MAP1LC3B: variants seen among roughly 807,000 people sequenced by gnomAD.
MAP1LC3B encodes the protein microtubule associated protein 1 light chain 3 beta.
MAP1LC3B carries 12 observed loss-of-function variants against 16.7 expected under a neutral mutation model. That is an observed-to-expected ratio of 0.72 (90% confidence interval 0.46 to 1.16). MAP1LC3B has a LOEUF of 1.16. Among genes scored for constraint, MAP1LC3B ranks in the 50% most tolerant of loss-of-function variants. The pLI, the probability that MAP1LC3B is intolerant of heterozygous loss-of-function variation, is 0.00. For synonymous variants in MAP1LC3B, 63 were observed against 56.5 expected (o/e 1.11, Z -0.51); for missense variants, 155 against 159.5 (o/e 0.97, Z 0.15).
intron 2 of MAP1LC3B, 172 bp downstream of exon 2, chr16:87,399,042 C>CT: frequency 3.3e-6 from 2 of 602,528 alleles, no homozygotes; most frequent in East Asian, 5.7e-5. Context: ...GTCTCACTCT[C>CT]TTTCCCAGGC....
chr16:87,396,103 C>T (rs1275386524), intron 1 of MAP1LC3B, among the ~76,000 whole-genome samples: 2 of 151,482 alleles, frequency 1.3e-5, no homozygotes, highest in African/African-American at 2.4e-5. Context: ...TCAGGTGATC[C>T]GCCCGCCTTG....
intron 2 of MAP1LC3B, 113 bp from the exon 3 acceptor site, chr16:87,402,062 C>T (rs1305647208): frequency 3.2e-6 from 3 of 926,384 alleles, no homozygotes; most frequent in Non-Finnish European, 5.1e-6. Flanking sequence ...GTCTCAGTCT[C>T]CTGACCTCGT....
intron 1 of MAP1LC3B, among the ~76,000 whole-genome samples, chr16:87,395,706 G>C (rs577823432): frequency 6.6e-6 from 1 of 152,072 alleles, no homozygotes; most frequent in Non-Finnish European, 1.5e-5. Context: ...GAAGTAACTT[G>C]TCTTTTATAT....
chr16:87,395,761 C>T (rs1907775636), intron 1 of MAP1LC3B, among the ~76,000 whole-genome samples: 1 of 149,150 alleles, frequency 6.7e-6, no homozygotes, highest in Non-Finnish European at 1.5e-5. Context: ...CTTTTTAGGT[C>T]GTGTTTTGGG....
rs568427114 is a variant in MAP1LC3B at position 87,399,422 on chromosome 16, G to A, written c.96+552G>A. 19 of 313,162 alleles carry A rather than the reference G, an allele frequency of 6.1e-5. No homozygotes were observed. In the East Asian group the frequency reaches 1.3e-3, roughly 21 times the overall value. 19.4% of individuals were successfully genotyped at this position (313,162 alleles called of 1,614,324 possible). On this transcript the variant is annotated intron_variant, in intron 2 of 3. Coordinates refer to ENST00000268607, the MANE Select transcript of MAP1LC3B (RefSeq NM_022818.5). ...GGATATCACACTTCAGAACGTGTCC[G>A]CTAGATAAAGCTCTCAAACTTACCA...
chr16:87,394,057 T>A (rs1258019786), intron 1 of MAP1LC3B, among the ~76,000 whole-genome samples: 1 of 152,218 alleles, frequency 6.6e-6, no homozygotes, highest in African/African-American at 2.4e-5. Context: ...ACAAGGAATT[T>A]CCTGGAACCT....
At position 87,402,857 on chromosome 16, in the gene MAP1LC3B, T is replaced by G. The variant is rs8051218; in HGVS notation, c.204-66T>G. Reference sequence around the variant, plus strand: ...TTTTACCGATCAGAGTGGGTGATATTTTAACACATGCTTCATCCTTCTTGT... The same window carrying G: ...TTTTACCGATCAGAGTGGGTGATATGTTAACACATGCTTCATCCTTCTTGT... On this transcript the variant is annotated intron_variant, in intron 3 of 3. Transcript: ENST00000268607. 5 of 1,587,208 alleles carry G rather than the reference T, an allele frequency of 3.2e-6. No individual in the cohort carries two copies. In the African/African-American group the frequency reaches 6.7e-5, roughly 21 times the overall value.
chr16:87,392,399 G>A lies in MAP1LC3B; in HGVS notation c.-29G>A, dbSNP rs1477686034. Reference sequence around the variant, plus strand: ...GAGCCGCCGGGACCCTCGCGTCGTCGCCGCCGCCGCCGCCCAGATCCCTGC... The same window carrying A: ...GAGCCGCCGGGACCCTCGCGTCGTCACCGCCGCCGCCGCCCAGATCCCTGC... On this transcript the variant is annotated 5_prime_UTR_variant, in exon 1 of 4. Coordinates refer to ENST00000268607, the MANE Select transcript of MAP1LC3B (RefSeq NM_022818.5). 1 of 1,399,796 alleles carries A rather than the reference G, an allele frequency of 7.1e-7. No individual in the cohort carries two copies. 86.7% of individuals were successfully genotyped at this position (1,399,796 alleles called of 1,614,324 possible).
At position 87,397,802 on chromosome 16, in the gene MAP1LC3B, A is replaced by AT. The variant is rs112576703; in HGVS notation, c.41-1002dup. On this transcript the variant is annotated intron_variant, in intron 1 of 3. Coordinates refer to ENST00000268607, the MANE Select transcript of MAP1LC3B (RefSeq NM_022818.5). ...ATAGTAAATCAAGGTTATTTTGCTC[A>AT]TTTTTTTTTTTGGAGGTTTTAAATA... 1.1e-3 allele frequency among the ~76,000 whole-genome samples: 149 copies of AT among 141,260 alleles called. 1 individual carries two copies. Among genetic ancestry groups the AT allele is most frequent in the East Asian group, 6.7e-3 (33 of 4,916 alleles). 92.7% of individuals were successfully genotyped at this position (141,260 alleles called of 152,430 possible). A position where few individuals can be genotyped will look rare whatever the true frequency, so the allele number is the denominator to read the frequency against.
intron 1 of MAP1LC3B, among the ~76,000 whole-genome samples, chr16:87,397,191 A>G (rs764305210): frequency 2.0e-4 from 30 of 152,250 alleles, no homozygotes; most frequent in Non-Finnish European, 5.9e-5. Flanking sequence ...ATGAGTTTGC[A>G]ATCTTTGTTG....
chr16:87,393,098 A>G (rs914255347), intron 1 of MAP1LC3B: 11 of 152,278 alleles, frequency 7.2e-5, no homozygotes, highest in Admixed American at 5.9e-4. Flanking sequence ...TCTGTAGCCC[A>G]GGAGCTGGGG....
intron 1 of MAP1LC3B, 35 bp downstream of exon 1, chr16:87,392,502 G>A: frequency 7.7e-7 from 1 of 1,298,570 alleles, no homozygotes; most frequent in Non-Finnish European, 9.7e-7. Context: ...GGTGCGGCGG[G>A]GCCGGGGTCC....
At chr16:87,398,712 T>G in intron 1 of MAP1LC3B, 103 bp from the exon 2 acceptor site, 1 of 969,972 alleles carries the variant, frequency 1.0e-6, no homozygotes, top group Non-Finnish European at 1.6e-6. Flanking sequence ...AGTGTTCTGC[T>G]GTGCCACAGC....
At chr16:87,400,546 T>A (rs1286830264) in intron 2 of MAP1LC3B, among the ~76,000 whole-genome samples, 1 of 152,194 alleles carries the variant, frequency 6.6e-6, no homozygotes, top group Non-Finnish European at 1.5e-5. Context: ...CAGGTCATTA[T>A]GCACAAAACT....
rs2150707974 is a variant in MAP1LC3B, at chr16:87,392,564, C to T, written c.40+97C>T. On this transcript the variant is annotated intron_variant, in intron 1 of 3. Coordinates refer to ENST00000268607, the MANE Select transcript of MAP1LC3B (RefSeq NM_022818.5). Reference sequence around the variant, plus strand: ...GACGCCGTGAGGGGTCGGGGCCGAGCCGGGAGGCCGAGCGGGGCCGGTGGC... The same window carrying T: ...GACGCCGTGAGGGGTCGGGGCCGAGTCGGGAGGCCGAGCGGGGCCGGTGGC... 5.3e-6 allele frequency: 6 copies of T among 1,128,488 alleles called. No homozygotes were observed. In the Admixed American group the frequency reaches 1.4e-4, roughly 26 times the overall value. 69.9% of individuals were successfully genotyped at this position (1,128,488 alleles called of 1,614,324 possible).
At chr16:87,393,852 G>A (rs558863529) in intron 1 of MAP1LC3B, among the ~76,000 whole-genome samples, 3 of 152,146 alleles carry the variant, frequency 2.0e-5, no homozygotes, top group Non-Finnish European at 4.4e-5. Context: ...GCGATCCAGC[G>A]GCCCCCCTCA....
In MAP1LC3B at chr16:87,403,997, T is replaced by C. The variant is rs1567502553; in HGVS notation, c.*900T>C. 1 of 152,146 alleles carries C rather than the reference T, an allele frequency of 6.6e-6. No individual in the cohort carries two copies. The highest frequency in any genetic ancestry group is 2.4e-5 in the African/African-American group (1 of 41,424). 9.4% of individuals were successfully genotyped at this position (152,146 alleles called of 1,614,324 possible). On this transcript the variant is annotated 3_prime_UTR_variant, in exon 4 of 4. Transcript: ENST00000268607. The stretch of plus-strand genomic sequence containing the variant: ...CATTCAGACACACTCCCTTCTGCCT[T>C]CCGGCTTAAAGCTGTGGATGATCCA...
intron 1 of MAP1LC3B, among the ~76,000 whole-genome samples, chr16:87,396,061 G>A (rs1428513975): frequency 2.0e-5 from 3 of 151,228 alleles, no homozygotes; most frequent in East Asian, 2.0e-4. Flanking sequence ...GGGTTTCACC[G>A]TGTTGGCCAG....
rs1325162889 is a variant in MAP1LC3B, at chr16:87,403,113, A to T, written c.*16A>T. ...GTCAGTGTAAAACCAGAAAAAATGC[A>T]GCTCTTCTAGAATTGTTTAAACCCT... On this transcript the variant is annotated 3_prime_UTR_variant, in exon 4 of 4. Transcript: ENST00000268607. The T allele has an allele frequency of 6.3e-7, 1 of 1,583,948 alleles. No individual in the cohort carries two copies. Among genetic ancestry groups the T allele is most frequent in the Admixed American group, 1.9e-5 (1 of 51,750 alleles).
Sources: gnomAD v4.1 joint callset for allele counts (sites outside exome capture counted in the v4.1 genomes callset) on GRCh38, gnomAD v4.1.1 for gene constraint, MANE v1.5 for transcripts, NCBI Gene and HGNC (gene_info 2026-07-23, HGNC 2026-07-21) for gene names.